NDUFS4: variants seen among roughly 807,000 people sequenced by gnomAD.
The protein encoded by NDUFS4 is NADH:ubiquinone oxidoreductase subunit S4.
A neutral mutation model predicts 24.3 loss-of-function variants in NDUFS4; 28 were observed. The ratio of observed to expected loss-of-function variants is 1.15; its 90% CI spans 0.85 to 1.58. NDUFS4 has a LOEUF of 1.58. Among genes scored for constraint, NDUFS4 ranks in the 40% most tolerant of loss-of-function variants. The pLI is 0.00. For missense variants in NDUFS4, 223 were observed against 207.9 expected, an observed-to-expected ratio of 1.07 and a Z score of -0.45; for synonymous variants, 93 against 69.7, an observed-to-expected ratio of 1.34 and a Z score of -1.67.
chr5:53,667,486 CAAAAA>C (rs34400470), intron 4 of NDUFS4, among the ~76,000 whole-genome samples: 10 of 135,924 alleles, frequency 7.4e-5, no homozygotes, highest in Admixed American at 7.4e-5. Context: ...ACTCTGTCTC[CAAAAA>C]AAAAAAAAAA....
At chr5:53,570,199 G>T (rs761947001) in intron 1 of NDUFS4, among the ~76,000 whole-genome samples, 1 of 152,078 alleles carries the variant, frequency 6.6e-6, no homozygotes, top group Non-Finnish European at 1.5e-5. Flanking sequence ...TTCCCTGACC[G>T]CTGTAATCCC....
chr5:53,599,975 G>A (rs1479864341), intron 1 of NDUFS4, among the ~76,000 whole-genome samples: 1 of 151,816 alleles, frequency 6.6e-6, no homozygotes, highest in African/African-American at 2.4e-5. Flanking sequence ...TACTTTGTAG[G>A]TATAATTTTT....
At chr5:53,575,634 C>A (rs13179304) in intron 1 of NDUFS4, among the ~76,000 whole-genome samples, 1 of 142,418 alleles carries the variant, frequency 7.0e-6, no homozygotes. Flanking sequence ...CTCTGCCTCC[C>A]GGGTTAAATC....
At chr5:53,593,325 C>A (rs914051697) in intron 1 of NDUFS4, among the ~76,000 whole-genome samples, 3 of 151,556 alleles carry the variant, frequency 2.0e-5, no homozygotes, top group Non-Finnish European at 2.9e-5. Context: ...TAGAGTTGTT[C>A]ATAATATTTC....
rs565142411 is a variant in NDUFS4 at position 53,568,323 on chromosome 5, G to A, written c.98+7563G>A. ...CCCCCAGTCTATATTGGTTCAGTAA[G>A]TTTAGGTTGAGGCTTAGCTCTATGG... On this transcript the variant is annotated intron_variant, in intron 1 of 4. Coordinates refer to ENST00000296684, the MANE Select transcript of NDUFS4 (RefSeq NM_002495.4). Among the ~76,000 whole-genome samples, 43 of 152,212 alleles carry A rather than the reference G, an allele frequency of 2.8e-4. No individual in the cohort carries two copies. In the South Asian group the frequency reaches 8.7e-3, roughly 31 times the overall value.
chr5:53,639,907 G>C (rs980386279), intron 2 of NDUFS4, among the ~76,000 whole-genome samples: 3 of 152,208 alleles, frequency 2.0e-5, no homozygotes, highest in Non-Finnish European at 2.9e-5. Flanking sequence ...GAAAAAGAAT[G>C]TAAGTTTTTT....
intron 1 of NDUFS4, among the ~76,000 whole-genome samples, chr5:53,601,003 ATT>A (rs3084744): frequency 0.16 from 20,596 of 130,442 alleles, 1,228 homozygotes; most frequent in Middle Eastern, 0.18. Flanking sequence ...TTTATAATAA[ATT>A]TTTTTTTTTT....
chr5:53,620,778 TG>T, intron 2 of NDUFS4, among the ~76,000 whole-genome samples: 1 of 152,226 alleles, frequency 6.6e-6, no homozygotes. Context: ...ACATTATTAC[TG>T]ATTTCAAATT....
rs1490999340 is a variant in NDUFS4 at position 53,646,353 on chromosome 5, G to A, written c.298G>A (p.Glu100Lys). The A allele has an allele frequency of 5.6e-6, 9 of 1,613,896 alleles. No homozygotes were observed. Among genetic ancestry groups the A allele is most frequent in the Non-Finnish European group, 6.8e-6 (8 of 1,179,856 alleles). Residue 100 changes from glutamate (E) to lysine (K), a missense_variant, in exon 3 of 5, where the codon GAG becomes AAG. By Grantham distance (56) the Glu-to-Lys change is moderately conservative. Coordinates refer to ENST00000296684, the MANE Select transcript of NDUFS4 (RefSeq NM_002495.4). ...AAACAACACAAAGAAATGGAAGATG[G>A]AGTTTGATACCAGAGAGCGATGGGA... ...GVNNTKKWKMEFDTRERWENP... is the reference protein window; with the variant it reads ...GVNNTKKWKMKFDTRERWENP...
At chr5:53,570,684 C>CTTT (rs70983360) in intron 1 of NDUFS4, among the ~76,000 whole-genome samples, 10 of 119,858 alleles carry the variant, frequency 8.3e-5, no homozygotes, top group African/African-American at 1.3e-4. Context: ...ATTTTTTTTT[C>CTTT]TTTTTTTTTT....
chr5:53,624,788 T>G (rs1394532130), intron 2 of NDUFS4, among the ~76,000 whole-genome samples: 1 of 152,218 alleles, frequency 6.6e-6, no homozygotes, highest in Non-Finnish European at 1.5e-5. Context: ...TTATACATCT[T>G]TACAAGTTTG....
At chr5:53,627,791 T>G (rs922339179) in intron 2 of NDUFS4, among the ~76,000 whole-genome samples, 3 of 152,190 alleles carry the variant, frequency 2.0e-5, no homozygotes, top group Non-Finnish European at 4.4e-5. Context: ...GCTGAGACCA[T>G]GGTACTTTCA....
chr5:53,629,010 G>T (rs559797567), intron 2 of NDUFS4, among the ~76,000 whole-genome samples: 47 of 152,126 alleles, frequency 3.1e-4, no homozygotes, highest in African/African-American at 1.1e-3. Context: ...TCTCTTGTGG[G>T]CATTTAGTGC....
chr5:53,643,217 A>G (rs749012075), intron 2 of NDUFS4, among the ~76,000 whole-genome samples: 1 of 152,032 alleles, frequency 6.6e-6, no homozygotes, highest in East Asian at 1.9e-4. Context: ...TTGAATTATT[A>G]TTTATAAATT....
intron 4 of NDUFS4, among the ~76,000 whole-genome samples, chr5:53,671,721 A>G (rs1418873396): frequency 6.6e-6 from 1 of 152,174 alleles, no homozygotes; most frequent in Admixed American, 6.5e-5. Context: ...AGGAAGCTAC[A>G]TCATGGAGAG....
intron 4 of NDUFS4, among the ~76,000 whole-genome samples, chr5:53,668,755 C>T (rs559926437): frequency 8.6e-4 from 130 of 152,044 alleles, no homozygotes; most frequent in Non-Finnish European, 1.7e-3. Context: ...GCCACTGCAC[C>T]CAGCCTTACA....
At chr5:53,627,606 A>G (rs1751270002) in intron 2 of NDUFS4, among the ~76,000 whole-genome samples, 1 of 152,020 alleles carries the variant, frequency 6.6e-6, no homozygotes, top group East Asian at 1.9e-4. Context: ...CATCCCTTGT[A>G]AGTTGGATTC....
intron 4 of NDUFS4, among the ~76,000 whole-genome samples, chr5:53,666,749 AACAGCAAAACCCTGGTTCT>A (rs750506226): frequency 1.3e-5 from 2 of 151,992 alleles, no homozygotes; most frequent in Non-Finnish European, 2.9e-5. Flanking sequence ...CAGCCTGGCC[AACAGCAAAACCCTGGTTCT>A]ACTAAAAATA....
At chr5:53,566,943 G>A (rs1427522993) in intron 1 of NDUFS4, among the ~76,000 whole-genome samples, 1 of 150,680 alleles carries the variant, frequency 6.6e-6, no homozygotes, top group Non-Finnish European at 1.5e-5. Flanking sequence ...CTGCCTCCCA[G>A]GTTCAAGCAA....
Sources: gnomAD v4.1 joint callset for allele counts (sites outside exome capture counted in the v4.1 genomes callset) on GRCh38, gnomAD v4.1.1 for gene constraint, MANE v1.5 for transcripts, NCBI Gene and HGNC (gene_info 2026-07-23, HGNC 2026-07-21) for gene names.